Variants in NIPBL observed in about 807,000 individuals in gnomAD.
NIPBL encodes the protein nipped-B-like protein.
Under a neutral mutation model 321.8 loss-of-function variants are expected in NIPBL, and 19 were observed. The ratio of observed to expected loss-of-function variants is 0.06; its 90% CI spans 0.04 to 0.09. The LOEUF (loss-of-function observed/expected upper bound fraction) is 0.09. Among genes scored for constraint, NIPBL ranks in the 10% least tolerant of loss-of-function variants. NIPBL has a pLI of 1.00. For missense variants in NIPBL, 2,210 were observed against 3,327.0 expected (o/e 0.66, Z 8.26); for synonymous variants, 1,106 against 1,114.1 (o/e 0.99, Z 0.14).
Position 37,006,727 on chromosome 5 carries a change from T to C in NIPBL, c.4087+139T>C, listed in dbSNP as rs981356325. ...ATTTTGATTATGGATTTGACTAGAA[T>C]ATAGTACTTGTTCAATTATAATTTC... On this transcript the variant is annotated intron_variant, in intron 17 of 46. Coordinates refer to ENST00000282516, the MANE Select transcript of NIPBL (RefSeq NM_133433.4). 2.1e-5 allele frequency: 13 copies of C among 610,750 alleles called. No homozygotes were observed. In the African/African-American group the frequency reaches 2.4e-4, roughly 11 times the overall value. The allele number at this position is 610,750 out of a possible 1,614,324, so 37.8% of individuals were successfully genotyped here.
chr5:36,905,782 C>T (rs1211228240), intron 1 of NIPBL, among the ~76,000 whole-genome samples: 1 of 151,546 alleles, frequency 6.6e-6, no homozygotes, highest in East Asian at 1.9e-4. Context: ...CTCACTCTGT[C>T]ACCCAGGCTG....
chr5:36,946,108 G>A (rs1739638589), intron 1 of NIPBL, among the ~76,000 whole-genome samples: 1 of 151,842 alleles, frequency 6.6e-6, no homozygotes, highest in South Asian at 2.1e-4. Context: ...TTTAATGTGA[G>A]AAGGCTGAGC....
intron 34 of NIPBL, among the ~76,000 whole-genome samples, chr5:37,041,630 C>G (rs989180996): frequency 6.6e-6 from 1 of 151,146 alleles, no homozygotes; most frequent in Admixed American, 6.6e-5. Flanking sequence ...TCCTGCACTT[C>G]TGGCTGACTG....
At chr5:37,024,743 ATTTTTCATT>A (rs1325149170) in intron 30 of NIPBL, 24 bp downstream of exon 30, 1 of 1,581,508 alleles carries the variant, frequency 6.3e-7, no homozygotes, top group Non-Finnish European at 8.6e-7. Flanking sequence ...TTTTAAATTT[ATTTTTCATT>A]AATGTTTAAA....
intron 21 of NIPBL, among the ~76,000 whole-genome samples, chr5:37,011,301 A>G (rs1384382499): frequency 8.5e-5 from 13 of 152,198 alleles, no homozygotes; most frequent in Admixed American, 8.5e-4. Context: ...CATGCCCATA[A>G]TCCCAGCACT....
intron 16 of NIPBL, among the ~76,000 whole-genome samples, chr5:37,005,296 G>C (rs1747298810): frequency 6.6e-6 from 1 of 152,032 alleles, no homozygotes; most frequent in African/African-American, 2.4e-5. Context: ...AGAAACAAAG[G>C]CTTAGAGAAA....
chr5:36,896,484 C>T (rs539379784), intron 1 of NIPBL, among the ~76,000 whole-genome samples: 105 of 152,134 alleles, frequency 6.9e-4, no homozygotes, highest in South Asian at 3.5e-3. Context: ...TGATAGGGGT[C>T]GTATTAAATC....
intron 27 of NIPBL, among the ~76,000 whole-genome samples, chr5:37,021,484 C>T (rs867852032): frequency 1.3e-5 from 2 of 152,060 alleles, no homozygotes; most frequent in East Asian, 1.9e-4. Flanking sequence ...AGATCAAGAC[C>T]GTCCTGGCTA....
At chr5:36,979,712 A>G (rs1743920305) in intron 9 of NIPBL, among the ~76,000 whole-genome samples, 2 of 151,748 alleles carry the variant, frequency 1.3e-5, no homozygotes, top group South Asian at 4.2e-4. Context: ...GGAAATAAAT[A>G]TATAGGTTCC....
At chr5:37,018,976 G>A (rs1202422480) in intron 24 of NIPBL, among the ~76,000 whole-genome samples, 1 of 152,032 alleles carries the variant, frequency 6.6e-6, no homozygotes, top group Non-Finnish European at 1.5e-5. Flanking sequence ...GGTGGACCAT[G>A]CCTGTAGTCC....
intron 45 of NIPBL, among the ~76,000 whole-genome samples, chr5:37,061,550 G>A (rs1754676923): frequency 6.6e-6 from 1 of 152,072 alleles, no homozygotes; most frequent in Admixed American, 6.5e-5. Flanking sequence ...GCAGTGGTGT[G>A]CACCTGTAGT....
rs148454907 is a variant in NIPBL at position 36,938,546 on chromosome 5, AC to A, written c.-79-15071del. 2.1e-3 allele frequency among the ~76,000 whole-genome samples: 323 copies of A among 152,320 alleles called. 1 individual carries two copies. Among genetic ancestry groups the A allele is most frequent in the African/African-American group, 6.9e-3 (288 of 41,572 alleles). On this transcript the variant is annotated intron_variant, in intron 1 of 46. Transcript: ENST00000282516. ...ATCTCTTCCACCTAAAAATGTAAAA[AC>A]ATTTAAAACCTTAAGAAAATTGTTC... is the stretch of plus-strand genomic sequence containing the variant.
chr5:37,013,542 GGCAGAGACGCTCCTC>G (rs1748512751), intron 21 of NIPBL, among the ~76,000 whole-genome samples: 1 of 151,800 alleles, frequency 6.6e-6, no homozygotes, highest in South Asian at 2.1e-4. Flanking sequence ...GGGGCGGTCG[GGCAGAGACGCTCCTC>G]ACATACCGGA....
intron 1 of NIPBL, among the ~76,000 whole-genome samples, chr5:36,916,965 G>A (rs1265245118): frequency 6.6e-6 from 1 of 151,944 alleles, no homozygotes; most frequent in Non-Finnish European, 1.5e-5. Flanking sequence ...AAACATACGT[G>A]TGCATGTGTC....
intron 1 of NIPBL, among the ~76,000 whole-genome samples, chr5:36,895,986 T>A (rs1746701991): frequency 6.6e-6 from 1 of 152,230 alleles, no homozygotes; most frequent in Admixed American, 6.5e-5. Context: ...TTCCTTTGGT[T>A]GCTTATGCTT....
At chr5:37,021,968 T>G in intron 27 of NIPBL, 83 bp from the exon 28 acceptor site, 1 of 1,021,842 alleles carries the variant, frequency 9.8e-7, no homozygotes, top group Non-Finnish European at 1.5e-6. Context: ...ATAGATTTGT[T>G]TTCTTTTGCA....
intron 1 of NIPBL, among the ~76,000 whole-genome samples, chr5:36,931,813 TTTATC>T (rs754570965): frequency 2.6e-5 from 4 of 151,822 alleles, no homozygotes; most frequent in African/African-American, 4.8e-5. Context: ...TATTTTTACT[TTTATC>T]TTTATTTTTT....
At chr5:37,010,855 A>T (rs900042085) in intron 21 of NIPBL, among the ~76,000 whole-genome samples, 1 of 152,208 alleles carries the variant, frequency 6.6e-6, no homozygotes, top group Non-Finnish European at 1.5e-5. Context: ...TACAATATGT[A>T]ATATATATGC....
chr5:36,989,399 G>T (rs570314626), intron 10 of NIPBL, among the ~76,000 whole-genome samples: 1 of 152,008 alleles, frequency 6.6e-6, no homozygotes, highest in South Asian at 2.1e-4. Flanking sequence ...GGGCAGTCAG[G>T]CAGTGTAACT....
Sources: gnomAD v4.1 joint callset for allele counts (sites outside exome capture counted in the v4.1 genomes callset) on GRCh38, gnomAD v4.1.1 for gene constraint, MANE v1.5 for transcripts, NCBI Gene and HGNC (gene_info 2026-07-23, HGNC 2026-07-21) for gene names.